The following DNAH10 variants were observed in gnomAD, a reference collection of about 807,000 sequenced individuals.
DNAH10 encodes dynein axonemal heavy chain 10, also known as axonemal beta dynein heavy chain 10.
Under a neutral mutation model 506.6 loss-of-function variants are expected in DNAH10, and 348 were observed. The observed-to-expected ratio is 0.69, with a 90% CI of 0.63 to 0.75. The LOEUF (loss-of-function observed/expected upper bound fraction) is 0.75, where lower values mean the gene tolerates loss of function less well. Ranked by LOEUF, DNAH10 falls within the 30% of genes least tolerant of loss-of-function variation. DNAH10 has a pLI of 0.00. For missense variants in DNAH10, 5,179 were observed against 5,787.1 expected (o/e 0.89, Z 3.41); for synonymous variants, 2,059 against 2,198.6 (o/e 0.94, Z 1.78).
At chr12:123,839,239 A>T (rs553750971) in intron 29 of DNAH10, among the ~76,000 whole-genome samples, 1 of 152,102 alleles carries the variant, frequency 6.6e-6, no homozygotes, top group Non-Finnish European at 1.5e-5. Flanking sequence ...AAACAAAAAA[A>T]CCAGAAATAT....
rs1355442323 is a variant in DNAH10 at position 123,833,243 on chromosome 12, A to T, written c.4675A>T (p.Thr1559Ser). Residue 1559 changes from threonine (T) to serine (S), a missense_variant, in exon 27 of 79, where the codon ACT (threonine) becomes TCT (serine). By Grantham distance (58) the Thr-to-Ser change is moderately conservative. Around this residue, in one of 3 missense-constraint regions of DNAH10, gnomAD observed 4,844 missense variants for 5,430.5 expected, o/e 0.89. Coordinates refer to ENST00000673944, the MANE Select transcript of DNAH10 (RefSeq NM_001372106.1). ...DEIIQSLDDN[T>S]FNLQSISGSR... The stretch of plus-strand genomic sequence containing the variant: ...AATTATTCAGTCTCTTGATGACAAC[A>T]CTTTCAACCTGCAGAGCATCTCAGG... 6.2e-7 allele frequency: 1 copy of T among 1,613,882 alleles called. No homozygotes were observed. Among genetic ancestry groups the T allele is most frequent in the Admixed American group, 1.7e-5 (1 of 60,016 alleles).
rs1954911226 is a variant in DNAH10, at chr12:123,925,652, A to G, written c.11921+448A>G. The G allele has an allele frequency of 6.0e-6, 1 of 166,376 alleles. No individual in the cohort carries two copies. The highest frequency in any genetic ancestry group is 1.3e-5 in the Non-Finnish European group (1 of 77,010). The allele number at this position is 166,376 out of a possible 1,614,324, so 10.3% of individuals were successfully genotyped here. A position where few individuals can be genotyped will look rare whatever the true frequency, so the allele number is the denominator to read the frequency against. On this transcript the variant is annotated intron_variant, in intron 68 of 78. Coordinates refer to ENST00000673944, the MANE Select transcript of DNAH10 (RefSeq NM_001372106.1). The surrounding 1 kb of genome is among the most constrained non-coding windows in gnomAD (Gnocchi z 4.0). ...ATTTTAAGTGCTGTGCCTCACGGCC[A>G]TCGCACTGGACAATGTAGCTCTAGC...
At chr12:123,845,277 C>T (rs1460835463) in intron 30 of DNAH10, among the ~76,000 whole-genome samples, 3 of 152,140 alleles carry the variant, frequency 2.0e-5, no homozygotes, top group Non-Finnish European at 4.4e-5. Context: ...GGTTTACAGG[C>T]GTGAGCTACC....
chr12:123,897,994 C>T (rs774913475), intron 55 of DNAH10, 27 bp downstream of exon 55: 8 of 1,525,878 alleles, frequency 5.2e-6, no homozygotes, highest in Non-Finnish European at 7.0e-6. Flanking sequence ...GGGTGGTTGA[C>T]AAAAGTCATT....
intron 23 of DNAH10, 130 bp from the exon 24 acceptor site, chr12:123,820,450 T>C (rs111680377): frequency 2.2e-6 from 2 of 921,020 alleles, no homozygotes; most frequent in African/African-American, 1.7e-5. Context: ...GTGCCATGAT[T>C]CTAAATTTGT....
chr12:123,838,810 TG>T (rs1950662503), intron 29 of DNAH10, 121 bp downstream of exon 29: 3 of 898,536 alleles, frequency 3.3e-6, no homozygotes, highest in Non-Finnish European at 5.1e-6. Flanking sequence ...CTGCTGGAGT[TG>T]GTTTTTTGGT....
Position 123,907,417 on chromosome 12 carries a change from A to G in DNAH10, c.9816-1844A>G, listed in dbSNP as rs1953834172. On this transcript the variant is annotated intron_variant, in intron 57 of 78. Transcript: ENST00000673944. This position sits in a 1 kb window ranked among gnomAD's most constrained non-coding sequence, Gnocchi z 4.4. The stretch of plus-strand genomic sequence containing the variant: ...GTTTTGTGATAGAAGAAAGGAATCA[A>G]ATTAAACAGACATCTCCCTTTCTCT... Among the ~76,000 whole-genome samples the G allele has an allele frequency of 6.6e-6, 1 of 152,160 alleles. No individual in the cohort carries two copies. The highest frequency in any genetic ancestry group is 2.1e-4 in the South Asian group (1 of 4,828).
chr12:123,875,600 C>G, intron 47 of DNAH10, 109 bp downstream of exon 47: 14 of 1,260,884 alleles, frequency 1.1e-5, no homozygotes, highest in Non-Finnish European at 1.5e-5. Context: ...GCCCTCAATA[C>G]TTTTAAGGGC....
intron 59 of DNAH10, among the ~76,000 whole-genome samples, chr12:123,911,189 G>A (rs1376956076): frequency 2.9e-5 from 4 of 137,906 alleles, no homozygotes; most frequent in Admixed American, 7.1e-5. Context: ...AAAAAATGAC[G>A]TAAAGATGTT....
chr12:123,828,512 T>G (rs1202520930), intron 25 of DNAH10, among the ~76,000 whole-genome samples: 2 of 152,260 alleles, frequency 1.3e-5, no homozygotes, highest in African/African-American at 4.8e-5. Context: ...TGTGTGTCTA[T>G]TCCCATTCAT....
Position 123,881,785 on chromosome 12 carries a change from G to A in DNAH10, c.8795G>A (p.Arg2932Lys), listed in dbSNP as rs1244263670. The A allele has an allele frequency of 1.7e-5, 26 of 1,517,288 alleles. No homozygotes were observed. The highest frequency in any genetic ancestry group is 1.9e-5 in the Non-Finnish European group (22 of 1,132,216). 94.0% of individuals were successfully genotyped at this position (1,517,288 alleles called of 1,614,324 possible). The stretch of plus-strand genomic sequence containing the variant: ...GGCTCAGGGAAGCAGTCTCTTTCGA[G>A]GCTGGCTGCCTTCACAGCCAGCTGT... ...VGGSGKQSLSRLAAFTASCEV... is the reference protein window; with the variant it reads ...VGGSGKQSLSKLAAFTASCEV... The change falls in exon 51 of 79, where the codon AGG becomes AAG. Residue 2932 changes from arginine to lysine, a missense_variant. Arg to Lys is a conservative substitution (Grantham distance 26). Coordinates refer to ENST00000673944, the MANE Select transcript of DNAH10 (RefSeq NM_001372106.1).
Position 123,808,663 on chromosome 12 carries a change from C to T in DNAH10, c.2988-134C>T. On this transcript the variant is annotated intron_variant, in intron 18 of 78. Transcript: ENST00000673944. Reference sequence around the variant, plus strand: ...TATTTTAAGTAAGACTCACCCCAGCCTGTCTAGGACAGCCTCACAGTGTGC... The same window carrying T: ...TATTTTAAGTAAGACTCACCCCAGCTTGTCTAGGACAGCCTCACAGTGTGC... The T allele has an allele frequency of 2.2e-5, 18 of 828,440 alleles. No homozygotes were observed. In the South Asian group the frequency reaches 3.2e-4, roughly 15 times the overall value. 51.3% of individuals were successfully genotyped at this position (828,440 alleles called of 1,614,324 possible).
At chr12:123,900,164 G>C (rs946431051) in intron 56 of DNAH10, among the ~76,000 whole-genome samples, 11 of 152,132 alleles carry the variant, frequency 7.2e-5, no homozygotes, top group Non-Finnish European at 1.5e-4. Context: ...TCTCCTTCCA[G>C]AACTTTGATC....
In DNAH10 at chr12:123,804,998, G is replaced by A. The variant is rs752382465; in HGVS notation, c.2945G>A (p.Trp982Ter). The change falls in exon 18 of 79, where the codon TGG (tryptophan) becomes TAG (stop). Residue 982 changes from tryptophan to a stop codon, truncating the protein, a stop_gained. Coordinates refer to ENST00000673944, the MANE Select transcript of DNAH10 (RefSeq NM_001372106.1). LOFTEE classifies it high-confidence loss of function. ...APKLASYYKY[W>*]EKKIYEVLTK... Reference sequence around the variant, plus strand: ...AAGCTGGCCTCCTACTACAAATACTGGGAAAAGAAAATTTATGAGGTCCTG... The same window carrying A: ...AAGCTGGCCTCCTACTACAAATACTAGGAAAAGAAAATTTATGAGGTCCTG... 6.2e-7 allele frequency: 1 copy of A among 1,614,134 alleles called. No homozygotes were observed. The highest frequency in any genetic ancestry group is 1.1e-5 in the South Asian group (1 of 91,074).
Position 123,803,810 on chromosome 12 carries a change from G to A in DNAH10, c.2764G>A (p.Glu922Lys), listed in dbSNP as rs1450348713. 2.5e-6 allele frequency: 4 copies of A among 1,611,244 alleles called. No individual in the cohort carries two copies. Among genetic ancestry groups the A allele is most frequent in the African/African-American group, 2.7e-5 (2 of 74,688 alleles). ...CTTTAAATATCCAGCCGCTAAAAGTGAGGAAGAACTCCCAGGTAGATCTGA... is the reference window on the plus strand; with the variant it reads ...CTTTAAATATCCAGCCGCTAAAAGTAAGGAAGAACTCCCAGGTAGATCTGA... ...NLFKYPAAKSEEELPGVKEFF... is the reference protein window; with the variant it reads ...NLFKYPAAKSKEELPGVKEFF... Residue 922 changes from glutamate to lysine, a missense_variant, in exon 17 of 79, where the codon GAG becomes AAG. Glu to Lys is a moderately conservative substitution (Grantham distance 56). Around this residue, in one of 3 missense-constraint regions of DNAH10, gnomAD observed 4,844 missense variants for 5,430.5 expected, o/e 0.89. Transcript: ENST00000673944.
rs1239654979 is a variant in DNAH10, at chr12:123,878,040, T to C, written c.8372+132T>C. Reference sequence around the variant, plus strand: ...TAATTACCCAATGTCTTTGCTTATGTTGAAGAAGAGAGACCAACACTTGGC... The same window carrying C: ...TAATTACCCAATGTCTTTGCTTATGCTGAAGAAGAGAGACCAACACTTGGC... On this transcript the variant is annotated intron_variant, in intron 48 of 78. Coordinates refer to ENST00000673944, the MANE Select transcript of DNAH10 (RefSeq NM_001372106.1). 4 of 1,253,958 alleles carry C rather than the reference T, an allele frequency of 3.2e-6. No individual in the cohort carries two copies. The African/African-American group carries it at 6.0e-5, about 19-fold the overall frequency. The allele number at this position is 1,253,958 out of a possible 1,614,324, so 77.7% of individuals were successfully genotyped here. A position where few individuals can be genotyped will look rare whatever the true frequency, so the allele number is the denominator to read the frequency against.
intron 21 of DNAH10, among the ~76,000 whole-genome samples, chr12:123,817,808 T>C (rs527612582): frequency 1.5e-4 from 23 of 152,174 alleles, no homozygotes; most frequent in Non-Finnish European, 2.9e-4. Flanking sequence ...AGGAGATTTA[T>C]TTTTGCTTCT....
chr12:123,807,823 A>G (rs1594076663), intron 18 of DNAH10, among the ~76,000 whole-genome samples: 2 of 83,968 alleles, frequency 2.4e-5, no homozygotes, highest in African/African-American at 4.8e-5. Context: ...AGAGATAAGG[A>G]GGGGGGAAGA....
At chr12:123,833,574 C>G (rs1213781667) in intron 27 of DNAH10, among the ~76,000 whole-genome samples, 1 of 152,108 alleles carries the variant, frequency 6.6e-6, no homozygotes. Context: ...TTCCAAGATT[C>G]CTAATTGCTT....
Sources: gnomAD v4.1 joint callset for allele counts (sites outside exome capture counted in the v4.1 genomes callset) on GRCh38, gnomAD v4.1.1 for gene constraint, gnomAD v4.1.1 regional missense constraint, Gnocchi (gnomAD v3.1) non-coding constraint, MANE v1.5 for transcripts, NCBI Gene and HGNC (gene_info 2026-07-23, HGNC 2026-07-21) for gene names.